Variants in RBFA observed in about 807,000 individuals in gnomAD.
RBFA encodes the protein putative ribosome-binding factor A, mitochondrial.
In RBFA, 16 loss-of-function variants were observed where a neutral mutation model predicts 27.9. The observed-to-expected ratio is 0.57, with a 90% confidence interval of 0.39 to 0.87. The LOEUF is 0.87. Ranked by LOEUF, RBFA falls within the 40% of genes least tolerant of loss-of-function variation. The pLI, the probability that RBFA is intolerant of heterozygous loss-of-function variation, is 0.00. For synonymous variants in RBFA, 181 were observed against 181.0 expected, an observed-to-expected ratio of 1.00 and a Z score of 0.00; for missense variants, 456 against 432.1, an observed-to-expected ratio of 1.06 and a Z score of -0.49.
At chr18:80,036,772 A>T in intron 2 of RBFA, 62 bp downstream of exon 2, 1 of 1,278,238 alleles carries the variant, frequency 7.8e-7, no homozygotes, top group Non-Finnish European at 1.1e-6. Context: ...AAAGTTGGCA[A>T]AACTCTTACC....
At chr18:80,045,560 G>C (rs1451671048) in intron 6 of RBFA, among the ~76,000 whole-genome samples, 1 of 152,096 alleles carries the variant, frequency 6.6e-6, no homozygotes, top group Admixed American at 6.5e-5. Flanking sequence ...GGTGCACCTG[G>C]ACTGTGCTGG....
intron 6 of RBFA, 121 bp downstream of exon 6, chr18:80,044,406 T>A: frequency 1.1e-6 from 1 of 891,306 alleles, no homozygotes; most frequent in Non-Finnish European, 1.8e-6. Context: ...CCCATGGCAC[T>A]TGCCTCCAGG....
chr18:80,042,237 A>T lies in RBFA; in HGVS notation c.576+18A>T, dbSNP rs12961405. 3 of 1,555,064 alleles carry T rather than the reference A, an allele frequency of 1.9e-6. 1 individual carries two copies. In the South Asian group the frequency reaches 3.6e-5, roughly 19 times the overall value. ...TAGCTGAGGTAAGGTTTTCAAAAAA[A>T]CTTTTTAAAATTTAAAAATTTTTAT... is the stretch of plus-strand genomic sequence containing the variant. On this transcript the variant is annotated intron_variant, in intron 5 of 6. Transcript: ENST00000306735.
At chr18:80,037,276 G>T in intron 2 of RBFA, 54 bp from the exon 3 acceptor site, 1 of 1,521,966 alleles carries the variant, frequency 6.6e-7, no homozygotes, top group Non-Finnish European at 9.0e-7. Context: ...GTGTGACTTG[G>T]TGAGTTTGGA....
At chr18:80,035,062 C>G (rs1031791694) in intron 1 of RBFA, 2 of 199,864 alleles carry the variant, frequency 1.0e-5, no homozygotes, top group African/African-American at 4.8e-5. Flanking sequence ...ATTGACTTTT[C>G]ACACTGCTTT....
Position 80,049,676 on chromosome 18 carries a change from C to T in RBFA, c.*3521C>T, listed in dbSNP as rs574701064. Among the ~76,000 whole-genome samples the T allele has an allele frequency of 2.0e-5, 3 of 152,376 alleles. No individual in the cohort carries two copies. The highest frequency in any genetic ancestry group is 2.1e-4 in the South Asian group (1 of 4,832). On this transcript the variant is annotated 3_prime_UTR_variant, in exon 7 of 7. Coordinates refer to ENST00000306735, the MANE Select transcript of RBFA (RefSeq NM_024805.3). ...CTGGGGGCTCATAAAACCAGACTGT[C>T]GGCCACTTCAGCCTTCTGGTTCGCT...
rs1420687553 is a variant in RBFA, at chr18:80,034,530, G to T, written c.35G>T (p.Arg12Leu). ...WAAAGGLWRS[R>L]AGLRALFRSR... ...GCGGCGGGCGGGCTGTGGCGCTCCC[G>T]CGCGGGTCTCCGGGCCCTGTTCCGT... Residue 12 changes from arginine to leucine, a missense_variant, in exon 1 of 7, where the codon CGC (arginine) becomes CTC (leucine). Arg to Leu is a moderately radical substitution (Grantham distance 102). Coordinates refer to ENST00000306735, the MANE Select transcript of RBFA (RefSeq NM_024805.3). 1.3e-6 allele frequency: 2 copies of T among 1,588,616 alleles called. No homozygotes were observed. The highest frequency in any genetic ancestry group is 1.1e-5 in the South Asian group (1 of 88,326).
chr18:80,034,457 CG>C lies in RBFA; in HGVS notation c.-38del, dbSNP rs765760418. The C allele has an allele frequency of 3.0e-5, 43 of 1,451,262 alleles. No homozygotes were observed. The highest frequency in any genetic ancestry group is 1.4e-5 in the Non-Finnish European group (15 of 1,109,506). 89.9% of individuals were successfully genotyped at this position (1,451,262 alleles called of 1,614,324 possible). A position where few individuals can be genotyped will look rare whatever the true frequency, so the allele number is the denominator to read the frequency against. On this transcript the variant is annotated 5_prime_UTR_variant, in exon 1 of 7. Transcript: ENST00000306735. ...TCAGTTGTCGCTCCGCGCCTGCGCC[CG>C]TTGTCTCCCTGCTCGCTCCGGGTCC... is the stretch of plus-strand genomic sequence containing the variant.
rs551246237 is a variant in RBFA, at chr18:80,042,324, A to G, written c.576+105A>G. 37 of 585,562 alleles carry G rather than the reference A, an allele frequency of 6.3e-5. No homozygotes were observed. The South Asian group carries it at 9.0e-4, about 14-fold the overall frequency. 36.3% of individuals were successfully genotyped at this position (585,562 alleles called of 1,614,324 possible). On this transcript the variant is annotated intron_variant, in intron 5 of 6. Transcript: ENST00000306735. The stretch of plus-strand genomic sequence containing the variant: ...AGGCTAGTCTTGAACTCCTGGCCTC[A>G]AGGGATCCTTCTGTCTCAGCCTCCC...
At chr18:80,043,777 C>T (rs1027807808) in intron 5 of RBFA, among the ~76,000 whole-genome samples, 1 of 152,178 alleles carries the variant, frequency 6.6e-6, no homozygotes, top group Admixed American at 6.5e-5. Context: ...AGTTTAGGCT[C>T]CCAGCATTGT....
chr18:80,048,423 C>T lies in RBFA; in HGVS notation c.*2268C>T, dbSNP rs2052071242. Among the ~76,000 whole-genome samples the T allele has an allele frequency of 6.6e-6, 1 of 152,202 alleles. No individual in the cohort carries two copies. On this transcript the variant is annotated 3_prime_UTR_variant, in exon 7 of 7. Transcript: ENST00000306735. ...TCCTTTGCATACACACCTTTGCATG[C>T]ATCTGATGTGCCCAGGCTGTGTTTT...
chr18:80,039,083 G>A (rs1318518002), intron 4 of RBFA, among the ~76,000 whole-genome samples: 7 of 152,264 alleles, frequency 4.6e-5, no homozygotes, highest in African/African-American at 1.7e-4. Context: ...GGGATGCCGA[G>A]GCGGGAGGAT....
rs780480155 is a variant in RBFA, at chr18:80,046,324, T to G, written c.*169T>G. ...ACACAATTTGCTACACAAGTCACTG[T>G]TTTTTTTTCCATGCACTGTGTGTAA... On this transcript the variant is annotated 3_prime_UTR_variant, in exon 7 of 7. Coordinates refer to ENST00000306735, the MANE Select transcript of RBFA (RefSeq NM_024805.3). The G allele has an allele frequency of 5.5e-6, 4 of 730,844 alleles. No homozygotes were observed. The highest frequency in any genetic ancestry group is 8.7e-6 in the Non-Finnish European group (4 of 457,506). The allele number at this position is 730,844 out of a possible 1,614,324, so 45.3% of individuals were successfully genotyped here.
At position 80,046,267 on chromosome 18, in the gene RBFA, T is replaced by C. The variant is rs2052053496; in HGVS notation, c.*112T>C. 1 of 1,215,102 alleles carries C rather than the reference T, an allele frequency of 8.2e-7. No homozygotes were observed. The highest frequency in any genetic ancestry group is 1.1e-6 in the Non-Finnish European group (1 of 883,220). 75.3% of individuals were successfully genotyped at this position (1,215,102 alleles called of 1,614,324 possible). A position where few individuals can be genotyped will look rare whatever the true frequency, so the allele number is the denominator to read the frequency against. ...GTTAAACCATCTGCTCTTCTGCTAC[T>C]TCAACATTTTCTAGCTTTTCCGTGT... On this transcript the variant is annotated 3_prime_UTR_variant, in exon 7 of 7. Coordinates refer to ENST00000306735, the MANE Select transcript of RBFA (RefSeq NM_024805.3).
intron 2 of RBFA, 69 bp downstream of exon 2, chr18:80,036,779 T>A: frequency 8.7e-7 from 1 of 1,144,334 alleles, no homozygotes; most frequent in South Asian, 1.4e-5. Flanking sequence ...GCAAAACTCT[T>A]ACCTGGAGGT....
intron 4 of RBFA, among the ~76,000 whole-genome samples, chr18:80,040,540 G>A (rs142809522): frequency 0.014 from 2,104 of 152,186 alleles, 20 homozygotes; most frequent in Middle Eastern, 0.034. Context: ...GAGCTACTGC[G>A]CTGGCTCTTC....
chr18:80,036,574 C>T (rs12957601), intron 1 of RBFA, 94 bp from the exon 2 acceptor site: 433,612 of 872,374 alleles, frequency 0.5, 112,893 homozygotes, highest in East Asian at 0.76. Context: ...GTTTAGCCCC[C>T]TATAAACAGT....
intron 5 of RBFA, 73 bp downstream of exon 5, chr18:80,042,292 A>G (rs2052021805): frequency 2.0e-6 from 2 of 999,728 alleles, no homozygotes; most frequent in Non-Finnish European, 2.8e-6. Context: ...GTCTTGCTAT[A>G]TTGTCCAGGC....
At chr18:80,037,849 T>C (rs1316703019) in intron 3 of RBFA, among the ~76,000 whole-genome samples, 1 of 151,462 alleles carries the variant, frequency 6.6e-6, no homozygotes, top group Non-Finnish European at 1.5e-5. Context: ...AGGCCGCGCC[T>C]CTGCACTCCA....
Sources: allele counts gnomAD v4.1 joint callset (sites outside exome capture counted in the v4.1 genomes callset), GRCh38; gene constraint gnomAD v4.1.1; transcripts MANE v1.5; gene names NCBI Gene and HGNC (gene_info 2026-07-23, HGNC 2026-07-21).